LRRTM2: variants seen among roughly 807,000 people sequenced by gnomAD.
The protein encoded by LRRTM2 is leucine rich repeat transmembrane neuronal 2, also known as leucine-rich repeat transmembrane neuronal protein 2.
A neutral mutation model predicts 40.7 loss-of-function variants in LRRTM2; 14 were observed. The observed-to-expected ratio is 0.34, with a 90% CI of 0.23 to 0.54. The LOEUF is 0.54. Among genes scored for constraint, LRRTM2 ranks in the 20% least tolerant of loss-of-function variants. LRRTM2 has a pLI of 0.92. For missense variants in LRRTM2, 468 were observed against 624.4 expected (o/e 0.75, Z 2.67); for synonymous variants, 223 against 237.6 (o/e 0.94, Z 0.57).
At position 138,873,851 on chromosome 5, in the gene LRRTM2, T is replaced by C. The variant is rs759974827; in HGVS notation, c.710A>G (p.Gln237Arg). ...RLSSLHTLFL[Q>R]WNKISNLTCG... ...TGTCAAGTTGCTGATTTTGTTCCAT[T>C]GTAAGAAGAGCGTGTGCAGACTGCT... Residue 237 changes from glutamine to arginine, a missense_variant, in exon 2 of 2, where the codon CAA becomes CGA. Gln to Arg is a conservative substitution (Grantham distance 43, BLOSUM62 1). Coordinates refer to ENST00000274711, the MANE Select transcript of LRRTM2 (RefSeq NM_015564.3). This position sits in a 1 kb window ranked among gnomAD's most constrained non-coding sequence, Gnocchi z 6.1. 1 of 1,614,030 alleles carries C rather than the reference T, an allele frequency of 6.2e-7. No homozygotes were observed. The highest frequency in any genetic ancestry group is 1.1e-5 in the South Asian group (1 of 91,090).
chr5:138,875,038 A>G lies in LRRTM2; in HGVS notation c.-127T>C. The stretch of plus-strand genomic sequence containing the variant: ...TGTTTTCTGTGTCCCAGGCTTTCCA[A>G]GTAAAATTGAATCCACCAGGACGAG... On this transcript the variant is annotated 5_prime_UTR_variant, in exon 1 of 2. Transcript: ENST00000274711. 2 of 906,262 alleles carry G rather than the reference A, an allele frequency of 2.2e-6. No individual in the cohort carries two copies. The highest frequency in any genetic ancestry group is 2.3e-5 in the Admixed American group (1 of 44,372). 56.1% of individuals were successfully genotyped at this position (906,262 alleles called of 1,614,324 possible).
chr5:138,869,118 G>A lies in LRRTM2; in HGVS notation c.*3892C>T, dbSNP rs1454343452. On this transcript the variant is annotated 3_prime_UTR_variant, in exon 2 of 2. Transcript: ENST00000274711. Reference sequence around the variant, plus strand: ...ACAATGTATTTGGACTGTACTTTGAGTTTCCAGTCTCAGTGTTGATAGGAA... The same window carrying A: ...ACAATGTATTTGGACTGTACTTTGAATTTCCAGTCTCAGTGTTGATAGGAA... The A allele has an allele frequency of 1.4e-5, 2 of 144,908 alleles. No individual in the cohort carries two copies. The highest frequency in any genetic ancestry group is 1.4e-4 in the Admixed American group (2 of 14,198). The allele number at this position is 144,908 out of a possible 1,614,324, so 9.0% of individuals were successfully genotyped here.
In LRRTM2 at chr5:138,873,893, G is replaced by A. The variant is rs751764437; in HGVS notation, c.668C>T (p.Ala223Val). The A allele has an allele frequency of 6.2e-7, 1 of 1,614,030 alleles. No homozygotes were observed. The highest frequency in any genetic ancestry group is 8.5e-7 in the Non-Finnish European group (1 of 1,179,900). Residue 223 changes from alanine (A) to valine (V), a missense_variant, in exon 2 of 2, where the codon GCT becomes GTT. Ala to Val is a moderately conservative substitution (Grantham distance 64). Transcript: ENST00000274711. The surrounding 1 kb of genome is among the most constrained non-coding windows in gnomAD (Gnocchi z 6.1). ...EHNQLTKINF[A>V]HFLRLSSLHT... Reference sequence around the variant, plus strand: ...CAGACTGCTTAGCCGTAGGAAATGAGCAAAATTAATCTTCGTCAGCTGGTT... The same window carrying A: ...CAGACTGCTTAGCCGTAGGAAATGAACAAAATTAATCTTCGTCAGCTGGTT...
Position 138,873,262 on chromosome 5 carries a change from A to C in LRRTM2, c.1299T>G (p.Ser433=). The change falls in exon 2 of 2, where the codon TCT becomes TCG. Residue 433 remains serine (S), a synonymous_variant. Coordinates refer to ENST00000274711, the MANE Select transcript of LRRTM2 (RefSeq NM_015564.3). The surrounding 1 kb of genome is among the most constrained non-coding windows in gnomAD (Gnocchi z 6.1). ...ACACTATAAAAATAATAAAAAAGAA[A>C]GAAAACAATAAAGCCATTGTTCCCG... ...VITGTMALLF[S]FFFIIFIVFI... 1 of 1,613,896 alleles carries C rather than the reference A, an allele frequency of 6.2e-7. No homozygotes were observed. The highest frequency in any genetic ancestry group is 8.5e-7 in the Non-Finnish European group (1 of 1,179,808).
Position 138,874,338 on chromosome 5 carries a change from C to G in LRRTM2, c.223G>C (p.Glu75Gln). The G allele has an allele frequency of 6.2e-7, 1 of 1,613,998 alleles. No individual in the cohort carries two copies. The highest frequency in any genetic ancestry group is 8.5e-7 in the Non-Finnish European group (1 of 1,179,894). ...CTGGCAAATTGATCTCTTTCGAGCTCTGTGATGTGATTGTGCCTCAGGGAC... is the reference window on the plus strand; with the variant it reads ...CTGGCAAATTGATCTCTTTCGAGCTGTGTGATGTGATTGTGCCTCAGGGAC... ...GLSLRHNHIT[E>Q]LERDQFASFS... Residue 75 changes from glutamate to glutamine, a missense_variant, in exon 2 of 2, where the codon GAG becomes CAG. Transcript: ENST00000274711. This position sits in a 1 kb window ranked among gnomAD's most constrained non-coding sequence, Gnocchi z 4.1.
Position 138,873,486 on chromosome 5 carries a change from G to A in LRRTM2, c.1075C>T (p.Leu359Phe). Residue 359 changes from leucine (L) to phenylalanine (F), a missense_variant, in exon 2 of 2, where the codon CTC becomes TTC. By Grantham distance (22) the Leu-to-Phe change is conservative. Coordinates refer to ENST00000274711, the MANE Select transcript of LRRTM2 (RefSeq NM_015564.3). The surrounding 1 kb of genome is among the most constrained non-coding windows in gnomAD (Gnocchi z 6.1). ...DILDAVHGFQ[L>F]CWNLSTTVTV... is the part of the protein sequence containing the mutation. ...ACAGTGGTTGACAAATTCCAGCAGA[G>A]CTGAAATCCATGGACTGCATCTAGA... 6.2e-7 allele frequency: 1 copy of A among 1,613,986 alleles called. No individual in the cohort carries two copies. Among genetic ancestry groups the A allele is most frequent in the Non-Finnish European group, 8.5e-7 (1 of 1,179,882 alleles).
chr5:138,874,902 A>C lies in LRRTM2; in HGVS notation c.4+6T>G. On this transcript the variant is annotated splice_donor_region_variant and intron_variant, in intron 1 of 1. Transcript: ENST00000274711. This position sits in a 1 kb window ranked among gnomAD's most constrained non-coding sequence, Gnocchi z 4.1. Reference sequence around the variant, plus strand: ...ATGTACAAGACATATAAATGCACAGACTTACCCATTCTTCTGAGCACATTG... The same window carrying C: ...ATGTACAAGACATATAAATGCACAGCCTTACCCATTCTTCTGAGCACATTG... 1.2e-6 allele frequency: 2 copies of C among 1,613,242 alleles called. No individual in the cohort carries two copies. Among genetic ancestry groups the C allele is most frequent in the Non-Finnish European group, 1.7e-6 (2 of 1,179,400 alleles).
rs1033961977 is a variant in LRRTM2 at position 138,871,670 on chromosome 5, A to G, written c.*1340T>C. ...ATTTCAAAATCTGCCTTTCCTTTTAATCCCTCACCTCTGTGCTGCCTTCAA... is the reference window on the plus strand; with the variant it reads ...ATTTCAAAATCTGCCTTTCCTTTTAGTCCCTCACCTCTGTGCTGCCTTCAA... On this transcript the variant is annotated 3_prime_UTR_variant, in exon 2 of 2. Coordinates refer to ENST00000274711, the MANE Select transcript of LRRTM2 (RefSeq NM_015564.3). The G allele has an allele frequency of 6.6e-6, 1 of 152,124 alleles. No homozygotes were observed. The highest frequency in any genetic ancestry group is 2.4e-5 in the African/African-American group (1 of 41,432). The allele number at this position is 152,124 out of a possible 1,614,324, so 9.4% of individuals were successfully genotyped here.
Position 138,873,368 on chromosome 5 carries a change from G to A in LRRTM2, c.1193C>T (p.Pro398Leu). 6.2e-7 allele frequency: 1 copy of A among 1,614,002 alleles called. No homozygotes were observed. The highest frequency in any genetic ancestry group is 8.5e-7 in the Non-Finnish European group (1 of 1,179,878). ...SSYHVGDKEI[P>L]TTAGIAVTTE... ...AGTAACTGCTATGCCTGCAGTAGTT[G>A]GGATTTCTTTGTCTCCCACATGGTA... is the stretch of plus-strand genomic sequence containing the variant. The change falls in exon 2 of 2, where the codon CCA (proline) becomes CTA (leucine). Residue 398 changes from proline (P) to leucine (L), a missense_variant. Physicochemically the swap from Pro to Leu is moderately conservative, Grantham distance 98. Transcript: ENST00000274711. The surrounding 1 kb of genome is among the most constrained non-coding windows in gnomAD (Gnocchi z 6.1).
Position 138,873,842 on chromosome 5 carries a change from T to A in LRRTM2, c.719A>T (p.Lys240Ile). Residue 240 changes from lysine to isoleucine, a missense_variant, in exon 2 of 2, where the codon AAA becomes ATA. Physicochemically the swap from Lys to Ile is moderately radical, Grantham distance 102. Transcript: ENST00000274711. The surrounding 1 kb of genome is among the most constrained non-coding windows in gnomAD (Gnocchi z 6.1). ...CATCCCACATGTCAAGTTGCTGATT[T>A]TGTTCCATTGTAAGAAGAGCGTGTG... Reference protein sequence around the residue: ...SLHTLFLQWNKISNLTCGMEW... With the variant: ...SLHTLFLQWNIISNLTCGMEW... 6.2e-7 allele frequency: 1 copy of A among 1,614,050 alleles called. No individual in the cohort carries two copies. The highest frequency in any genetic ancestry group is 8.5e-7 in the Non-Finnish European group (1 of 1,179,894).
In LRRTM2 at chr5:138,872,727, T is replaced by G; in HGVS notation, c.*283A>C. The G allele has an allele frequency of 3.6e-6, 1 of 275,652 alleles. No homozygotes were observed. 17.1% of individuals were successfully genotyped at this position (275,652 alleles called of 1,614,324 possible). On this transcript the variant is annotated 3_prime_UTR_variant, in exon 2 of 2. Coordinates refer to ENST00000274711, the MANE Select transcript of LRRTM2 (RefSeq NM_015564.3). The stretch of plus-strand genomic sequence containing the variant: ...GTATATGGAGACCTTAGTGTAAAGG[T>G]TTACACACGATTGTATATAATTACA...
Position 138,874,813 on chromosome 5 carries a change from A to T in LRRTM2, c.4+95T>A, listed in dbSNP as rs1033331709. ...CCTAAACCTCAAAATCCAAAATATG[A>T]TGGTGATTTCCCTCATAAAATGTGA... On this transcript the variant is annotated intron_variant, in intron 1 of 1. Transcript: ENST00000274711. The surrounding 1 kb of genome is among the most constrained non-coding windows in gnomAD (Gnocchi z 4.1). The T allele has an allele frequency of 2.4e-6, 3 of 1,228,892 alleles. No individual in the cohort carries two copies. Among genetic ancestry groups the T allele is most frequent in the Non-Finnish European group, 3.5e-6 (3 of 848,496 alleles). 76.1% of individuals were successfully genotyped at this position (1,228,892 alleles called of 1,614,324 possible).
chr5:138,874,924 A>C lies in LRRTM2; in HGVS notation c.-13T>G. The C allele has an allele frequency of 6.2e-7, 1 of 1,613,698 alleles. No individual in the cohort carries two copies. Among genetic ancestry groups the C allele is most frequent in the Admixed American group, 1.7e-5 (1 of 60,012 alleles). On this transcript the variant is annotated 5_prime_UTR_variant, in exon 1 of 2. An upstream start codon of the reference 5' UTR is lost. Coordinates refer to ENST00000274711, the MANE Select transcript of LRRTM2 (RefSeq NM_015564.3). This position sits in a 1 kb window ranked among gnomAD's most constrained non-coding sequence, Gnocchi z 4.1. ...CAGACTTACCCATTCTTCTGAGCAC[A>C]TTGGAGGCTGCATTCAGTCGCGGTT... is the stretch of plus-strand genomic sequence containing the variant.
At position 138,871,840 on chromosome 5, in the gene LRRTM2, AGTTG is replaced by A. The variant is rs1358587841; in HGVS notation, c.*1166_*1169del. ...GAAAGATCGAAATGTATTATATAATAGTTGGAAAGTGTTTTTTTTCATGGTTCCT... is the reference window on the plus strand; with the variant it reads ...GAAAGATCGAAATGTATTATATAATAGAAAGTGTTTTTTTTCATGGTTCCT... On this transcript the variant is annotated 3_prime_UTR_variant, in exon 2 of 2. Transcript: ENST00000274711. 4.0e-5 allele frequency: 6 copies of A among 151,886 alleles called. No individual in the cohort carries two copies. The highest frequency in any genetic ancestry group is 5.9e-5 in the Non-Finnish European group (4 of 67,858). 9.4% of individuals were successfully genotyped at this position (151,886 alleles called of 1,614,324 possible). A position where few individuals can be genotyped will look rare whatever the true frequency, so the allele number is the denominator to read the frequency against.
At position 138,873,227 on chromosome 5, in the gene LRRTM2, C is replaced by T. The variant is rs1750858121; in HGVS notation, c.1334G>A (p.Arg445Lys). The part of the protein sequence containing the change: ...FFIIFIVFIS[R>K]KCCPPTLRRI... ...TCTTAAAGTGGGAGGGCAGCACTTC[C>T]TGGAGATGAACACTATAAAAATAAT... The change falls in exon 2 of 2, where the codon AGG becomes AAG. Residue 445 changes from arginine (R) to lysine (K), a missense_variant. By Grantham distance (26) the Arg-to-Lys change is conservative. Transcript: ENST00000274711. This position sits in a 1 kb window ranked among gnomAD's most constrained non-coding sequence, Gnocchi z 6.1. 1 of 1,613,812 alleles carries T rather than the reference C, an allele frequency of 6.2e-7. No individual in the cohort carries two copies. The highest frequency in any genetic ancestry group is 8.5e-7 in the Non-Finnish European group (1 of 1,179,796).
rs771276047 is a variant in LRRTM2 at position 138,873,146 on chromosome 5, C to T, written c.1415G>A (p.Arg472Gln). 1.5e-5 allele frequency: 24 copies of T among 1,613,780 alleles called. No homozygotes were observed. Among genetic ancestry groups the T allele is most frequent in the Admixed American group, 3.3e-5 (2 of 59,988 alleles). ...GTCTGACATGTTTGACATATGGAGT[C>T]GTGTTTGGGATCGGAGCTGCCTGTG... is the stretch of plus-strand genomic sequence containing the variant. ...QNHRQLRSQTRLHMSNMSDQG... is the reference protein window; with the variant it reads ...QNHRQLRSQTQLHMSNMSDQG... Residue 472 changes from arginine (R) to glutamine (Q), a missense_variant, in exon 2 of 2, where the codon CGA (arginine) becomes CAA (glutamine). Coordinates refer to ENST00000274711, the MANE Select transcript of LRRTM2 (RefSeq NM_015564.3). The surrounding 1 kb of genome is among the most constrained non-coding windows in gnomAD (Gnocchi z 6.1).
At position 138,875,159 on chromosome 5, in the gene LRRTM2, T is replaced by C. The variant is rs1751215294; in HGVS notation, c.-248A>G. 4 of 426,830 alleles carry C rather than the reference T, an allele frequency of 9.4e-6. No homozygotes were observed. The highest frequency in any genetic ancestry group is 1.6e-5 in the Non-Finnish European group (4 of 242,992). 26.4% of individuals were successfully genotyped at this position (426,830 alleles called of 1,614,324 possible). ...TCAGTTTTGAATATAAGTTATTAAATTTCTCCACCTCTAACTGCTCAGCTG... is the reference window on the plus strand; with the variant it reads ...TCAGTTTTGAATATAAGTTATTAAACTTCTCCACCTCTAACTGCTCAGCTG... On this transcript the variant is annotated 5_prime_UTR_variant, in exon 1 of 2. Transcript: ENST00000274711.
At position 138,874,390 on chromosome 5, in the gene LRRTM2, G is replaced by GT. The variant is rs1751053120; in HGVS notation, c.170dup (p.Asn57LysfsTer54). On this transcript the variant is annotated frameshift_variant, in exon 2 of 2. Transcript: ENST00000274711. LOFTEE classifies it high-confidence loss of function. This position sits in a 1 kb window ranked among gnomAD's most constrained non-coding sequence, Gnocchi z 4.1. ...GGCCCAGAGAGCCCTTGTCTGTGGCGTTTGGCACTGAGTGGAAGCCCTGAG... is the reference window on the plus strand; with the variant it reads ...GGCCCAGAGAGCCCTTGTCTGTGGCGTTTTGGCACTGAGTGGAAGCCCTGAG... 1 of 1,613,862 alleles carries GT rather than the reference G, an allele frequency of 6.2e-7. No homozygotes were observed. Among genetic ancestry groups the GT allele is most frequent in the African/African-American group, 1.3e-5 (1 of 74,920 alleles).
At position 138,874,774 on chromosome 5, in the gene LRRTM2, G is replaced by A. The variant is rs993351370; in HGVS notation, c.4+134C>T. 6.6e-5 allele frequency: 57 copies of A among 866,102 alleles called. No homozygotes were observed. Among genetic ancestry groups the A allele is most frequent in the African/African-American group, 5.7e-4 (34 of 59,448 alleles). 53.7% of individuals were successfully genotyped at this position (866,102 alleles called of 1,614,324 possible). A position where few individuals can be genotyped will look rare whatever the true frequency, so the allele number is the denominator to read the frequency against. On this transcript the variant is annotated intron_variant, in intron 1 of 1. Transcript: ENST00000274711. The surrounding 1 kb of genome is among the most constrained non-coding windows in gnomAD (Gnocchi z 4.1). ...GATAAAACATGTCTCTGTCATCATC[G>A]ATATATGCTTTTACCTAAACCTCAA... is the stretch of plus-strand genomic sequence containing the variant.
Sources: allele counts gnomAD v4.1 joint callset, GRCh38; gene constraint gnomAD v4.1.1; non-coding constraint Gnocchi (gnomAD v3.1); transcripts MANE v1.5; gene names NCBI Gene and HGNC (gene_info 2026-07-23, HGNC 2026-07-21).